Variants in GRM8 observed in about 807,000 individuals in gnomAD.
GRM8 encodes the protein glutamate metabotropic receptor 8.
In GRM8, 47 loss-of-function variants were observed where a neutral mutation model predicts 87.2. The ratio of observed to expected loss-of-function variants is 0.54; its 90% CI spans 0.43 to 0.69. The LOEUF (loss-of-function observed/expected upper bound fraction) is 0.69. Ranked by LOEUF, GRM8 falls within the 30% of genes least tolerant of loss-of-function variation. The pLI is 0.00. For missense variants in GRM8, 1,019 were observed against 1,139.2 expected (o/e 0.89, Z 1.52); for synonymous variants, 396 against 404.5 (o/e 0.98, Z 0.25).
chr7:126,835,551 G>A (rs1795765489), intron 6 of GRM8, among the ~76,000 whole-genome samples: 1 of 152,146 alleles, frequency 6.6e-6, no homozygotes, highest in Non-Finnish European at 1.5e-5. Flanking sequence ...AAAGTTTGTA[G>A]TGATAAATGA....
At chr7:126,565,568 C>T (rs1313551825) in intron 8 of GRM8, among the ~76,000 whole-genome samples, 1 of 151,990 alleles carries the variant, frequency 6.6e-6, no homozygotes, top group Non-Finnish European at 1.5e-5. Flanking sequence ...GAAAGACATC[C>T]TGTATTTATG....
rs552609494 is a variant in GRM8, at chr7:126,608,328, C to G, written c.1494+1034G>C. On this transcript the variant is annotated intron_variant, in intron 8 of 10. Coordinates refer to ENST00000339582, the MANE Select transcript of GRM8 (RefSeq NM_000845.3). ...GGGAGTGCCCACCAGCCTGAGACACCTGATGAAGTTCCTCCTCCGTACTGC... is the reference window on the plus strand; with the variant it reads ...GGGAGTGCCCACCAGCCTGAGACACGTGATGAAGTTCCTCCTCCGTACTGC... Among the ~76,000 whole-genome samples the G allele has an allele frequency of 9.2e-5, 14 of 152,256 alleles. No homozygotes were observed. The South Asian group carries it at 2.9e-3, about 32-fold the overall frequency.
intron 6 of GRM8, among the ~76,000 whole-genome samples, chr7:126,864,541 A>G (rs1798430904): frequency 6.6e-6 from 1 of 152,118 alleles, no homozygotes; most frequent in Non-Finnish European, 1.5e-5. Context: ...AGTTCTTCAT[A>G]ACTGCCTACG....
At chr7:126,691,452 C>T (rs564373680) in intron 7 of GRM8, among the ~76,000 whole-genome samples, 147 of 152,220 alleles carry the variant, frequency 9.7e-4, no homozygotes, top group Non-Finnish European at 1.8e-3. Flanking sequence ...GCAGCTAGGT[C>T]GCTGCAGTGG....
chr7:126,510,459 T>C (rs1811172469), intron 9 of GRM8, among the ~76,000 whole-genome samples: 4 of 152,076 alleles, frequency 2.6e-5, no homozygotes. Flanking sequence ...CTCTGCTTCA[T>C]TCTTGTCAAA....
chr7:126,530,417 C>T (rs1030824223), intron 9 of GRM8, among the ~76,000 whole-genome samples: 1 of 152,216 alleles, frequency 6.6e-6, no homozygotes, highest in African/African-American at 2.4e-5. Context: ...GAGCCTGATC[C>T]TTTTCTGACT....
At chr7:127,073,296 CG>C (rs1821913272) in intron 3 of GRM8, among the ~76,000 whole-genome samples, 1 of 151,962 alleles carries the variant, frequency 6.6e-6, no homozygotes. Context: ...AACAGAAGAG[CG>C]GAGTAATGGT....
At position 126,943,794 on chromosome 7, in the gene GRM8, C is replaced by T. The variant is rs17869538; in HGVS notation, c.728-39111G>A. Among the ~76,000 whole-genome samples, 1,433 of 152,132 alleles carry T rather than the reference C, an allele frequency of 9.4e-3. 28 individuals are homozygous for T. The highest frequency in any genetic ancestry group is 0.033 in the African/African-American group (1,361 of 41,454). ...GGTGTGAGTCAGCCTTGAGCTCAAT[C>T]GAGAGTAAACAGACAAATTTACATT... On this transcript the variant is annotated intron_variant, in intron 3 of 10. Transcript: ENST00000339582.
intron 2 of GRM8, among the ~76,000 whole-genome samples, chr7:127,152,976 C>A (rs982102218): frequency 2.0e-5 from 3 of 152,146 alleles, no homozygotes; most frequent in African/African-American, 7.2e-5. Flanking sequence ...AAAATTCTTA[C>A]AGCTCTTCAT....
chr7:127,159,571 GA>G (rs540110249), intron 2 of GRM8, among the ~76,000 whole-genome samples: 330 of 147,414 alleles, frequency 2.2e-3, no homozygotes, highest in Middle Eastern at 3.6e-3. Flanking sequence ...ATTTCTGGGA[GA>G]AAAAAAAAAT....
At chr7:126,503,956 C>G (rs895034594) in intron 9 of GRM8, among the ~76,000 whole-genome samples, 3 of 152,036 alleles carry the variant, frequency 2.0e-5, no homozygotes, top group Non-Finnish European at 4.4e-5. Flanking sequence ...TCTCCTAATT[C>G]ACCGCAGTCT....
intron 2 of GRM8, among the ~76,000 whole-genome samples, chr7:127,203,525 T>C (rs2116575460): frequency 6.6e-6 from 1 of 152,072 alleles, no homozygotes; most frequent in East Asian, 1.9e-4. Flanking sequence ...CTGGCCAACA[T>C]GGTGAAACCC....
intron 7 of GRM8, among the ~76,000 whole-genome samples, chr7:126,694,893 G>A (rs919860919): frequency 1.3e-5 from 2 of 152,114 alleles, no homozygotes; most frequent in African/African-American, 4.8e-5. Context: ...CAACAACAAT[G>A]GTCTCATGCC....
chr7:126,732,150 CATAAT>C (rs1324084627), intron 7 of GRM8, among the ~76,000 whole-genome samples: 1 of 151,930 alleles, frequency 6.6e-6, no homozygotes. Context: ...CAAACATTAT[CATAAT>C]ATATTTTTTC....
At chr7:126,846,059 T>A (rs1242437709) in intron 6 of GRM8, among the ~76,000 whole-genome samples, 3 of 151,974 alleles carry the variant, frequency 2.0e-5, no homozygotes, top group African/African-American at 4.8e-5. Context: ...ATAAAATATA[T>A]CTTTCATAAA....
chr7:126,487,574 T>C lies in GRM8; in HGVS notation c.2431-41202A>G, dbSNP rs181684757. Among the ~76,000 whole-genome samples, 493 of 152,200 alleles carry C rather than the reference T, an allele frequency of 3.2e-3. 1 individual carries two copies. Among genetic ancestry groups the C allele is most frequent in the Middle Eastern group, 0.01 (3 of 294 alleles). ...TCAATGACCTTTCCCTATACTATTATATTAAAATCCATTGGTCAATTTTGC... is the reference window on the plus strand; with the variant it reads ...TCAATGACCTTTCCCTATACTATTACATTAAAATCCATTGGTCAATTTTGC... On this transcript the variant is annotated intron_variant, in intron 9 of 10. Transcript: ENST00000339582.
At chr7:127,032,541 T>C (rs1242616491) in intron 3 of GRM8, among the ~76,000 whole-genome samples, 2 of 152,172 alleles carry the variant, frequency 1.3e-5, no homozygotes, top group African/African-American at 2.4e-5. Context: ...TTATAGAAAA[T>C]TGAAGCCCTG....
chr7:126,477,982 C>T lies in GRM8; in HGVS notation c.2431-31610G>A, dbSNP rs367893824. ...CATTCCTTGGTTGGTGGCTGCATAA[C>T]TTCAATCTCTGCTTCCATGTCCACA... is the stretch of plus-strand genomic sequence containing the variant. On this transcript the variant is annotated intron_variant, in intron 9 of 10. Coordinates refer to ENST00000339582, the MANE Select transcript of GRM8 (RefSeq NM_000845.3). 3.9e-4 allele frequency among the ~76,000 whole-genome samples: 59 copies of T among 152,250 alleles called. 4 individuals are homozygous for T. In the East Asian group the frequency reaches 4.7e-3, roughly 12 times the overall value.
At chr7:126,963,079 G>T (rs1455750011) in intron 3 of GRM8, among the ~76,000 whole-genome samples, 1 of 152,062 alleles carries the variant, frequency 6.6e-6, no homozygotes, top group Admixed American at 6.5e-5. Context: ...ACTGAGTTTT[G>T]TTTGTTTGTT....
Sources: gnomAD v4.1 joint callset for allele counts (sites outside exome capture counted in the v4.1 genomes callset) on GRCh38, gnomAD v4.1.1 for gene constraint, MANE v1.5 for transcripts, NCBI Gene and HGNC (gene_info 2026-07-23, HGNC 2026-07-21) for gene names.